PTPRT: variants seen among roughly 807,000 people sequenced by gnomAD.
PTPRT encodes the protein receptor-type tyrosine-protein phosphatase T.
PTPRT carries 56 observed loss-of-function variants against 176.8 expected under a neutral mutation model. The ratio of observed to expected loss-of-function variants is 0.32; its 90% CI spans 0.26 to 0.40. The LOEUF (loss-of-function observed/expected upper bound fraction) is 0.40. Ranked by LOEUF, PTPRT falls within the 10% of genes least tolerant of loss-of-function variation. The probability of loss-of-function intolerance (pLI) is 1.00; values close to 1 mark genes in which losing one functional copy is unlikely to be tolerated. For missense variants in PTPRT, 1,540 were observed against 1,908.2 expected, an observed-to-expected ratio of 0.81 and a Z score of 3.60; for synonymous variants, 783 against 739.0, an observed-to-expected ratio of 1.06 and a Z score of -0.96.
At chr20:42,336,666 G>C (rs1488234554) in intron 11 of PTPRT, among the ~76,000 whole-genome samples, 1 of 151,832 alleles carries the variant, frequency 6.6e-6, no homozygotes, top group Non-Finnish European at 1.5e-5. Flanking sequence ...AATACCAAAA[G>C]AAAAACATGA....
chr20:42,871,398 C>G (rs562547912), intron 2 of PTPRT, among the ~76,000 whole-genome samples: 1 of 151,806 alleles, frequency 6.6e-6, no homozygotes, highest in East Asian at 1.9e-4. Flanking sequence ...AGTAACCCTA[C>G]AAGAGAGGTT....
At chr20:42,477,856 G>A (rs2071317966) in intron 7 of PTPRT, among the ~76,000 whole-genome samples, 2 of 152,170 alleles carry the variant, frequency 1.3e-5, no homozygotes. Context: ...TCTTAGGCTA[G>A]ACAACAGTGG....
chr20:42,161,285 CAAGGCTTTA>C, intron 17 of PTPRT, 58 bp downstream of exon 17: 2 of 1,578,312 alleles, frequency 1.3e-6, no homozygotes, highest in South Asian at 2.2e-5. Flanking sequence ...CTTTTTGTAG[CAAGGCTTTA>C]GTGCCCAAAT....
intron 16 of PTPRT, among the ~76,000 whole-genome samples, chr20:42,180,097 TG>T (rs1990454756): frequency 6.6e-6 from 1 of 152,204 alleles, no homozygotes; most frequent in African/African-American, 2.4e-5. Flanking sequence ...GCTAGGCTAG[TG>T]GTGAGACTCA....
chr20:42,298,106 C>T (rs1338800571), intron 12 of PTPRT, among the ~76,000 whole-genome samples: 1 of 151,936 alleles, frequency 6.6e-6, no homozygotes, highest in African/African-American at 2.4e-5. Flanking sequence ...CAACATATAT[C>T]ACAGATAAAG....
chr20:42,766,684 G>C (rs999368236), intron 5 of PTPRT, among the ~76,000 whole-genome samples: 5 of 152,166 alleles, frequency 3.3e-5, no homozygotes, highest in Non-Finnish European at 7.3e-5. Context: ...AGGCAACAGG[G>C]ATTTATCTCA....
At chr20:42,672,102 T>C (rs113868670) in intron 7 of PTPRT, among the ~76,000 whole-genome samples, 31 of 152,364 alleles carry the variant, frequency 2.0e-4, no homozygotes, top group African/African-American at 7.0e-4. Flanking sequence ...GTCAACTTGA[T>C]TGGATTGAAG....
At chr20:42,234,366 G>A (rs899705351) in intron 15 of PTPRT, among the ~76,000 whole-genome samples, 3 of 152,224 alleles carry the variant, frequency 2.0e-5, no homozygotes, top group Non-Finnish European at 4.4e-5. Flanking sequence ...ACCAGTGCAC[G>A]ATAGAGGCGG....
chr20:42,980,340 T>C (rs554985519), intron 1 of PTPRT, among the ~76,000 whole-genome samples: 3 of 152,214 alleles, frequency 2.0e-5, no homozygotes, highest in Non-Finnish European at 4.4e-5. Flanking sequence ...TCTCATTCTG[T>C]AACCTTGGGC....
chr20:42,916,739 T>G (rs560828029), intron 1 of PTPRT, among the ~76,000 whole-genome samples: 22 of 152,314 alleles, frequency 1.4e-4, no homozygotes, highest in South Asian at 4.1e-4. Context: ...TTTTTCATGT[T>G]TTTTTTGATT....
chr20:42,552,279 A>G (rs2072784061), intron 7 of PTPRT, among the ~76,000 whole-genome samples: 1 of 152,208 alleles, frequency 6.6e-6, no homozygotes, highest in African/African-American at 2.4e-5. Context: ...GGGAAGAGAG[A>G]TGGCAGATGC....
intron 7 of PTPRT, among the ~76,000 whole-genome samples, chr20:42,654,802 TGA>T (rs1451103204): frequency 3.3e-5 from 5 of 152,222 alleles, no homozygotes; most frequent in Admixed American, 3.3e-4. Context: ...AGTAGTGAGA[TGA>T]GAGTTTAAAT....
At chr20:42,314,491 T>C (rs769385531) in intron 12 of PTPRT, among the ~76,000 whole-genome samples, 2 of 136,062 alleles carry the variant, frequency 1.5e-5, no homozygotes, top group African/African-American at 2.8e-5. Flanking sequence ...ATCGCACCAC[T>C]GCACTCCAGC....
In PTPRT at chr20:43,108,131, C is replaced by T. The variant is rs144411539; in HGVS notation, c.88+81515G>A. Among the ~76,000 whole-genome samples, 1,011 of 152,278 alleles carry T rather than the reference C, an allele frequency of 6.6e-3. 14 individuals carry two copies. The highest frequency in any genetic ancestry group is 0.023 in the African/African-American group (958 of 41,542). On this transcript the variant is annotated intron_variant, in intron 1 of 30. Transcript: ENST00000373187. ...TCCACCTGAGGATGGGTGGGTCTTCCGACCACTTTGACCAGTAGGATATGG... is the reference window on the plus strand; with the variant it reads ...TCCACCTGAGGATGGGTGGGTCTTCTGACCACTTTGACCAGTAGGATATGG...
At chr20:42,948,009 A>G (rs1281270923) in intron 1 of PTPRT, among the ~76,000 whole-genome samples, 2 of 152,290 alleles carry the variant, frequency 1.3e-5, no homozygotes, top group East Asian at 1.9e-4. Context: ...GAATGAATGA[A>G]TGAGTGAACC....
chr20:43,162,910 C>T (rs1326742143), intron 1 of PTPRT, among the ~76,000 whole-genome samples: 1 of 152,242 alleles, frequency 6.6e-6, no homozygotes, highest in Non-Finnish European at 1.5e-5. Context: ...TTACACCTAC[C>T]ATCTCCGTAT....
downstream of PTPRT, among the ~76,000 whole-genome samples, chr20:42,068,532 T>C (rs917934847): frequency 6.6e-6 from 1 of 152,210 alleles, no homozygotes; most frequent in Non-Finnish European, 1.5e-5. Context: ...CTTAATGTCA[T>C]TTCATCTCCC....
At chr20:42,057,630 C>A in the PTPRT span, among the ~76,000 whole-genome samples, 2 of 151,978 alleles carry the variant, frequency 1.3e-5, no homozygotes, top group Admixed American at 1.3e-4. Flanking sequence ...GCTCTGTCAC[C>A]CAGGCTGGAA....
intron 9 of PTPRT, among the ~76,000 whole-genome samples, chr20:42,419,456 C>T (rs1327233975): frequency 6.6e-6 from 1 of 152,192 alleles, no homozygotes; most frequent in African/African-American, 2.4e-5. Context: ...TAGCATGTCT[C>T]TGCTTTGAAC....
Sources: allele counts gnomAD v4.1 joint callset (sites outside exome capture counted in the v4.1 genomes callset), GRCh38; gene constraint gnomAD v4.1.1; transcripts MANE v1.5; gene names NCBI Gene and HGNC (gene_info 2026-07-23, HGNC 2026-07-21).